The following DSCAM variants were observed in gnomAD, a reference collection of about 807,000 sequenced individuals.
DSCAM encodes the protein cell adhesion molecule DSCAM.
Under a neutral mutation model 217.7 loss-of-function variants are expected in DSCAM, and 47 were observed. That is an observed-to-expected ratio of 0.22 (90% CI 0.17 to 0.28). The LOEUF is 0.28. DSCAM is among the 10% of genes least tolerant of loss of function. The pLI is 1.00. For synonymous variants in DSCAM, 1,056 were observed against 1,015.3 expected (o/e 1.04, Z -0.76); for missense variants, 2,080 against 2,618.3 (o/e 0.79, Z 4.49).
At chr21:40,489,137 C>T (rs2076053996) in intron 3 of DSCAM, among the ~76,000 whole-genome samples, 1 of 152,158 alleles carries the variant, frequency 6.6e-6, no homozygotes, top group Admixed American at 6.5e-5. Flanking sequence ...TTTAGTCAAG[C>T]ATTATTCTGG....
At chr21:40,385,078 CTTTTTA>C (rs756263036) in intron 3 of DSCAM, 6 of 152,074 alleles carry the variant, frequency 3.9e-5, no homozygotes. Flanking sequence ...CCAGTTTCGA[CTTTTTA>C]TTTTATTACA....
At chr21:40,749,932 T>G (rs1052458765) in intron 1 of DSCAM, among the ~76,000 whole-genome samples, 15 of 151,024 alleles carry the variant, frequency 9.9e-5, no homozygotes, top group East Asian at 3.9e-4. Flanking sequence ...CTCCACTTTC[T>G]TCTTCTTTTT....
chr21:40,110,282 C>T (rs562203860), intron 20 of DSCAM, among the ~76,000 whole-genome samples: 27 of 152,302 alleles, frequency 1.8e-4, no homozygotes, highest in Middle Eastern at 3.4e-3. Context: ...CTGCAGCCTC[C>T]GCTGCTGATA....
At chr21:40,593,050 A>G (rs1318325357) in intron 3 of DSCAM, among the ~76,000 whole-genome samples, 2 of 152,232 alleles carry the variant, frequency 1.3e-5, no homozygotes. Flanking sequence ...CAAAATTAGT[A>G]CTAAAAGTAT....
At chr21:40,650,606 T>C (rs1388482832) in intron 3 of DSCAM, among the ~76,000 whole-genome samples, 1 of 145,078 alleles carries the variant, frequency 6.9e-6, no homozygotes, top group Non-Finnish European at 1.5e-5. Flanking sequence ...AGCTGGGACA[T>C]CTGTCTTCAT....
intron 6 of DSCAM, among the ~76,000 whole-genome samples, chr21:40,339,794 TTATC>T (rs1394614294): frequency 6.2e-4 from 95 of 152,364 alleles, no homozygotes; most frequent in African/African-American, 2.3e-3. Flanking sequence ...AACAGTCACT[TTATC>T]TGTTAGGTTG....
At chr21:40,715,351 T>C (rs2090830316) in intron 1 of DSCAM, among the ~76,000 whole-genome samples, 1 of 152,178 alleles carries the variant, frequency 6.6e-6, no homozygotes, top group African/African-American at 2.4e-5. Flanking sequence ...TTTCTCTTGG[T>C]CTCCATCACT....
intron 1 of DSCAM, among the ~76,000 whole-genome samples, chr21:40,768,427 A>G (rs2091415058): frequency 1.3e-5 from 2 of 151,252 alleles, no homozygotes; most frequent in Non-Finnish European, 2.9e-5. Context: ...TTTTATGTGC[A>G]TTTTCTCATC....
intron 3 of DSCAM, among the ~76,000 whole-genome samples, chr21:40,669,132 G>C (rs570816710): frequency 6.6e-6 from 1 of 152,286 alleles, no homozygotes; most frequent in African/African-American, 2.4e-5. Context: ...GTCCTGAACA[G>C]AGAACAATTC....
chr21:40,021,982 T>C (rs577878392), intron 32 of DSCAM, among the ~76,000 whole-genome samples: 1 of 152,342 alleles, frequency 6.6e-6, no homozygotes, highest in African/African-American at 2.4e-5. Flanking sequence ...TCTCAATCTA[T>C]TCAGACACAC....
At chr21:40,687,499 G>A (rs2090492461) in intron 3 of DSCAM, among the ~76,000 whole-genome samples, 1 of 152,054 alleles carries the variant, frequency 6.6e-6, no homozygotes, top group African/African-American at 2.4e-5. Context: ...AGTGCACAAA[G>A]CAGAGGCCCC....
At chr21:40,263,173 C>A (rs4816677) in intron 11 of DSCAM, among the ~76,000 whole-genome samples, 17,511 of 152,056 alleles carry the variant, frequency 0.12, 2,490 homozygotes, top group African/African-American at 0.32. Context: ...AAACTAAAGA[C>A]AATAAAGAGA....
At chr21:40,121,315 C>T (rs2090030874) in intron 20 of DSCAM, among the ~76,000 whole-genome samples, 1 of 152,160 alleles carries the variant, frequency 6.6e-6, no homozygotes. Flanking sequence ...ATAATGGATA[C>T]TATTTACAAG....
chr21:40,293,358 G>T (rs1448149498), intron 10 of DSCAM, among the ~76,000 whole-genome samples: 1 of 152,080 alleles, frequency 6.6e-6, no homozygotes, highest in Non-Finnish European at 1.5e-5. Context: ...ACTATAGCTT[G>T]GTGGCCATCG....
intron 3 of DSCAM, among the ~76,000 whole-genome samples, chr21:40,451,464 T>C (rs1804764627): frequency 6.6e-6 from 1 of 152,184 alleles, no homozygotes; most frequent in Admixed American, 6.5e-5. Context: ...TGAGTGTTTC[T>C]TGGTTTTGTA....
chr21:40,345,810 A>C (rs1398258613), intron 6 of DSCAM, among the ~76,000 whole-genome samples: 5 of 152,074 alleles, frequency 3.3e-5, no homozygotes, highest in Non-Finnish European at 7.4e-5. Context: ...TAGCACTGTC[A>C]TCTCTCAGAA....
At chr21:40,581,936 T>C (rs767572642) in intron 3 of DSCAM, among the ~76,000 whole-genome samples, 1 of 152,246 alleles carries the variant, frequency 6.6e-6, no homozygotes, top group Admixed American at 6.5e-5. Flanking sequence ...CCTCTAAGGA[T>C]ACCATAAAAT....
At chr21:40,815,835 T>C (rs1279672938) in intron 1 of DSCAM, among the ~76,000 whole-genome samples, 1 of 152,180 alleles carries the variant, frequency 6.6e-6, no homozygotes, top group African/African-American at 2.4e-5. Context: ...TTCAGTTTGC[T>C]CATCTGTAAA....
intron 4 of DSCAM, among the ~76,000 whole-genome samples, chr21:40,359,645 AGAAT>A (rs1157417864): frequency 6.6e-5 from 10 of 152,250 alleles, no homozygotes; most frequent in Non-Finnish European, 1.0e-4. Context: ...GCAACAAGAG[AGAAT>A]GAATGACTAA....
Sources: gnomAD v4.1 joint callset for allele counts (sites outside exome capture counted in the v4.1 genomes callset) on GRCh38, gnomAD v4.1.1 for gene constraint, MANE v1.5 for transcripts, NCBI Gene and HGNC (gene_info 2026-07-23, HGNC 2026-07-21) for gene names.